LCLAT1: variants seen among roughly 807,000 people sequenced by gnomAD.
LCLAT1 encodes the protein 1-AGP acyltransferase 8.
Under a neutral mutation model 30.7 loss-of-function variants are expected in LCLAT1, and 11 were observed. The ratio of observed to expected loss-of-function variants is 0.36; its 90% CI spans 0.23 to 0.59. The LOEUF is 0.59. LCLAT1 is among the 20% of genes least tolerant of loss of function. The pLI is 0.77. For synonymous variants in LCLAT1, 155 were observed against 151.3 expected, an observed-to-expected ratio of 1.02 and a Z score of -0.18; for missense variants, 402 against 458.6, an observed-to-expected ratio of 0.88 and a Z score of 1.13.
chr2:30,583,805 G>A (rs971471030), intron 5 of LCLAT1, among the ~76,000 whole-genome samples: 2 of 152,084 alleles, frequency 1.3e-5, no homozygotes, highest in African/African-American at 4.8e-5. Flanking sequence ...TGTGGTGTTT[G>A]TGTAGCCACT....
At chr2:30,599,055 T>C (rs1222157890) in intron 5 of LCLAT1, among the ~76,000 whole-genome samples, 1 of 151,972 alleles carries the variant, frequency 6.6e-6, no homozygotes, top group Admixed American at 6.6e-5. Flanking sequence ...TGATCTCGGC[T>C]CACTGCAACC....
At chr2:30,524,921 G>C (rs1042961429) in intron 1 of LCLAT1, among the ~76,000 whole-genome samples, 6 of 151,908 alleles carry the variant, frequency 3.9e-5, no homozygotes, top group African/African-American at 1.5e-4. Flanking sequence ...ACTCAACTTA[G>C]GAAACTCATC....
intron 2 of LCLAT1, among the ~76,000 whole-genome samples, chr2:30,527,649 T>C (rs1053616926): frequency 2.6e-5 from 4 of 152,200 alleles, no homozygotes; most frequent in African/African-American, 9.7e-5. Flanking sequence ...CTAAGCTCCT[T>C]AGCCTCATTG....
At chr2:30,503,488 A>C (rs1479291492) in intron 1 of LCLAT1, among the ~76,000 whole-genome samples, 1 of 152,188 alleles carries the variant, frequency 6.6e-6, no homozygotes, top group Non-Finnish European at 1.5e-5. Flanking sequence ...TCCCTTAAAT[A>C]ACAGCTAGGT....
At chr2:30,548,367 C>T (rs1157831329) in intron 3 of LCLAT1, among the ~76,000 whole-genome samples, 1 of 152,098 alleles carries the variant, frequency 6.6e-6, no homozygotes, top group African/African-American at 2.4e-5. Flanking sequence ...AGCCACGGGA[C>T]ATCAATCAAA....
At chr2:30,636,748 A>G (rs1457102523) in intron 5 of LCLAT1, among the ~76,000 whole-genome samples, 1 of 152,248 alleles carries the variant, frequency 6.6e-6, no homozygotes, top group Non-Finnish European at 1.5e-5. Flanking sequence ...CATTCTTCTC[A>G]CCATTTTGAT....
At chr2:30,555,899 G>A (rs1014869085) in intron 3 of LCLAT1, among the ~76,000 whole-genome samples, 3 of 145,822 alleles carry the variant, frequency 2.1e-5, no homozygotes, top group Non-Finnish European at 4.5e-5. Flanking sequence ...GTGCACTGGC[G>A]CGATCTGGGC....
intron 1 of LCLAT1, among the ~76,000 whole-genome samples, chr2:30,464,928 C>T (rs1259048194): frequency 6.6e-6 from 1 of 151,188 alleles, no homozygotes. Flanking sequence ...GCCATGTTTC[C>T]CAGGCTGGTT....
At chr2:30,494,444 G>A (rs945742906) in intron 1 of LCLAT1, among the ~76,000 whole-genome samples, 4 of 151,988 alleles carry the variant, frequency 2.6e-5, no homozygotes, top group African/African-American at 7.2e-5. Flanking sequence ...CATATTCTTC[G>A]TAAGTGAAAG....
intron 5 of LCLAT1, among the ~76,000 whole-genome samples, chr2:30,614,329 A>C (rs1667887659): frequency 6.8e-6 from 1 of 147,978 alleles, no homozygotes; most frequent in African/African-American, 2.5e-5. Context: ...AGATTAACAG[A>C]ATCTCAAGGC....
At chr2:30,621,872 C>G (rs1668266883) in intron 5 of LCLAT1, among the ~76,000 whole-genome samples, 1 of 152,156 alleles carries the variant, frequency 6.6e-6, no homozygotes, top group South Asian at 2.1e-4. Flanking sequence ...AACTTTGTAA[C>G]AACTTTGATG....
At chr2:30,507,856 G>A (rs1684745268) in intron 1 of LCLAT1, among the ~76,000 whole-genome samples, 1 of 151,940 alleles carries the variant, frequency 6.6e-6, no homozygotes. Flanking sequence ...TTAGGTCTTT[G>A]CAGAATTGCC....
At chr2:30,476,647 A>G (rs879743781) in intron 1 of LCLAT1, 66 of 399,190 alleles carry the variant, frequency 1.7e-4, no homozygotes, top group Admixed American at 3.6e-4. Flanking sequence ...TGAGTTGTAT[A>G]ATTATTTCAT....
intron 1 of LCLAT1, among the ~76,000 whole-genome samples, chr2:30,477,157 T>C (rs1683084518): frequency 6.6e-6 from 1 of 152,238 alleles, no homozygotes; most frequent in Non-Finnish European, 1.5e-5. Flanking sequence ...AGGTTTCTTT[T>C]GATTTTCAGA....
chr2:30,572,480 C>A (rs983756525), intron 5 of LCLAT1, among the ~76,000 whole-genome samples: 2 of 152,206 alleles, frequency 1.3e-5, no homozygotes, highest in Non-Finnish European at 2.9e-5. Flanking sequence ...CTCATAGCTA[C>A]TTCTTTCACC....
intron 5 of LCLAT1, among the ~76,000 whole-genome samples, chr2:30,637,428 T>C (rs1174175453): frequency 2.6e-5 from 4 of 152,102 alleles, no homozygotes; most frequent in African/African-American, 9.7e-5. Context: ...CTTTTTTAGA[T>C]ACTTGATCGG....
Position 30,484,051 on chromosome 2 carries a change from C to G in LCLAT1, c.-5+36668C>G, listed in dbSNP as rs116058564. Among the ~76,000 whole-genome samples, 1,006 of 152,160 alleles carry G rather than the reference C, an allele frequency of 6.6e-3. 10 individuals carry two copies. The highest frequency in any genetic ancestry group is 0.023 in the African/African-American group (955 of 41,522). On this transcript the variant is annotated intron_variant, in intron 1 of 5. Transcript: ENST00000379509. ...GAGAAATGTGCTTCAGAGCAGTCAC[C>G]TTAGAGGTTTTGTCTTCCCAGGTGG...
At chr2:30,543,641 G>A (rs1255133193) in intron 3 of LCLAT1, among the ~76,000 whole-genome samples, 2 of 151,966 alleles carry the variant, frequency 1.3e-5, no homozygotes, top group Non-Finnish European at 2.9e-5. Context: ...TCTGTTTCTT[G>A]TAATTTTTCA....
intron 2 of LCLAT1, among the ~76,000 whole-genome samples, chr2:30,527,128 G>A (rs577320291): frequency 1.3e-5 from 2 of 152,034 alleles, no homozygotes; most frequent in Admixed American, 6.6e-5. Flanking sequence ...CTTCTAAAAC[G>A]TCATCTACAA....
Sources: gnomAD v4.1 joint callset for allele counts (sites outside exome capture counted in the v4.1 genomes callset) on GRCh38, gnomAD v4.1.1 for gene constraint, MANE v1.5 for transcripts, NCBI Gene and HGNC (gene_info 2026-07-23, HGNC 2026-07-21) for gene names.